PPIG: variants seen among roughly 807,000 people sequenced by gnomAD.
The protein encoded by PPIG is peptidyl-prolyl cis-trans isomerase G.
A neutral mutation model predicts 87.9 loss-of-function variants in PPIG; 26 were observed. The observed-to-expected ratio is 0.30, with a 90% CI of 0.22 to 0.41. The LOEUF (loss-of-function observed/expected upper bound fraction) is 0.41, where lower values mean the gene tolerates loss of function less well. Ranked by LOEUF, PPIG falls within the 10% of genes least tolerant of loss-of-function variation. PPIG has a pLI of 1.00. For missense variants in PPIG, 722 were observed against 879.4 expected (o/e 0.82, Z 2.26); for synonymous variants, 308 against 276.5 (o/e 1.11, Z -1.13).
chr2:169,584,956 G>A (rs1684658165), intron 1 of PPIG: 1 of 182,002 alleles, frequency 5.5e-6, no homozygotes, highest in South Asian at 9.2e-5. Context: ...GTCAGGCTAG[G>A]GTTGGAGAGT....
Position 169,631,829 on chromosome 2 carries a change from A to G in PPIG, c.825A>G (p.Glu275=), listed in dbSNP as rs1292823522. The G allele has an allele frequency of 1.2e-6, 2 of 1,613,870 alleles. No individual in the cohort carries two copies. The highest frequency in any genetic ancestry group is 1.1e-5 in the South Asian group (1 of 91,082). The part of the protein sequence containing the change: ...EAQPQSTVRP[E]EIPPIPENRF... ...AACCCCAGTCTACTGTCCGTCCAGA[A>G]GAGATCCCTCCTATACCTGAAAATA... Residue 275 remains glutamate, a synonymous_variant, in exon 11 of 14, where the codon GAA becomes GAG. Coordinates refer to ENST00000260970, the MANE Select transcript of PPIG (RefSeq NM_004792.3).
intron 12 of PPIG, among the ~76,000 whole-genome samples, chr2:169,633,835 C>G (rs545348901): frequency 3.0e-4 from 44 of 146,792 alleles, no homozygotes; most frequent in South Asian, 1.1e-3. Context: ...TCCACCCCCC[C>G]CTTTTTTTTT....
In PPIG at chr2:169,641,373, A is replaced by G. The variant is rs1686306475; in HGVS notation, c.*3850A>G. 6.6e-6 allele frequency: 1 copy of G among 152,196 alleles called. No homozygotes were observed. The highest frequency in any genetic ancestry group is 2.4e-5 in the African/African-American group (1 of 41,454). The allele number at this position is 152,196 out of a possible 1,614,324, so 9.4% of individuals were successfully genotyped here. On this transcript the variant is annotated 3_prime_UTR_variant, in exon 14 of 14. Transcript: ENST00000260970. ...GGAAGCTGTATTAACTTTTATAGTT[A>G]AACATTGTATTAAATAAACTATACT...
intron 1 of PPIG, among the ~76,000 whole-genome samples, chr2:169,585,988 C>G (rs751269105): frequency 6.6e-5 from 10 of 151,994 alleles, no homozygotes; most frequent in Non-Finnish European, 1.2e-4. Context: ...GCTATAAAAT[C>G]CAGAAAAGAT....
chr2:169,584,650 G>C, intron 1 of PPIG, 160 bp downstream of exon 1: 1 of 401,264 alleles, frequency 2.5e-6, no homozygotes, highest in African/African-American at 2.1e-5. Context: ...GGGCCCAGAG[G>C]AAGTCCCTGA....
Position 169,585,564 on chromosome 2 carries a change from A to C in PPIG, c.-70+1074A>C, listed in dbSNP as rs1684678172. Reference sequence around the variant, plus strand: ...GAGAGCCACCGCGCACGGCCAGCTCATGTTTAGTCTTAAGGAGCAAAGTCT... The same window carrying C: ...GAGAGCCACCGCGCACGGCCAGCTCCTGTTTAGTCTTAAGGAGCAAAGTCT... On this transcript the variant is annotated intron_variant, in intron 1 of 13. Coordinates refer to ENST00000260970, the MANE Select transcript of PPIG (RefSeq NM_004792.3). 2.0e-5 allele frequency among the ~76,000 whole-genome samples: 3 copies of C among 152,118 alleles called. No individual in the cohort carries two copies. The South Asian group carries it at 6.2e-4, about 31-fold the overall frequency.
At chr2:169,622,547 A>G (rs1685785216) in intron 9 of PPIG, among the ~76,000 whole-genome samples, 1 of 152,222 alleles carries the variant, frequency 6.6e-6, no homozygotes. Flanking sequence ...CTAACCTAGC[A>G]TACCTTGCCC....
chr2:169,611,764 A>G (rs973826393), intron 7 of PPIG, among the ~76,000 whole-genome samples: 2 of 152,140 alleles, frequency 1.3e-5, no homozygotes, highest in African/African-American at 4.8e-5. Context: ...CTTCATATAT[A>G]TATTCTCAGA....
chr2:169,598,297 T>C (rs937086177), intron 1 of PPIG, among the ~76,000 whole-genome samples: 5 of 152,158 alleles, frequency 3.3e-5, no homozygotes, highest in African/African-American at 9.7e-5. Flanking sequence ...TATTTTCTTT[T>C]TCTTTTTTTT....
At chr2:169,606,770 T>C (rs538204921) in intron 5 of PPIG, among the ~76,000 whole-genome samples, 1 of 152,204 alleles carries the variant, frequency 6.6e-6, no homozygotes, top group Non-Finnish European at 1.5e-5. Context: ...TTTTTACTTT[T>C]TTATTGTAAA....
At chr2:169,610,643 T>C (rs1432210949) in intron 7 of PPIG, among the ~76,000 whole-genome samples, 1 of 152,134 alleles carries the variant, frequency 6.6e-6, no homozygotes, top group Non-Finnish European at 1.5e-5. Flanking sequence ...ACCAACCTAA[T>C]TTCCAGTTTA....
At chr2:169,602,409 G>C (rs558817236) in intron 1 of PPIG, among the ~76,000 whole-genome samples, 2 of 152,162 alleles carry the variant, frequency 1.3e-5, no homozygotes, top group East Asian at 3.9e-4. Context: ...TCTACCTCCC[G>C]GGCTCAAGCA....
intron 1 of PPIG, among the ~76,000 whole-genome samples, chr2:169,596,859 G>A (rs554207227): frequency 1.2e-3 from 175 of 152,114 alleles, no homozygotes; most frequent in South Asian, 9.1e-3. Context: ...GCGCCATTAC[G>A]CTCAGCTCAC....
In PPIG at chr2:169,637,495, C is replaced by T. The variant is rs1175157009; in HGVS notation, c.2237C>T (p.Pro746Leu). 3 of 1,593,220 alleles carry T rather than the reference C, an allele frequency of 1.9e-6. No homozygotes were observed. Among genetic ancestry groups the T allele is most frequent in the Non-Finnish European group, 2.6e-6 (3 of 1,174,898 alleles). ...AAAAAATTTGATCATGAATCAAGCC[C>T]TGGAACAGATGAAGACAAAAGCGGA... ...KNKKFDHESS[P>L]GTDEDKSG is the part of the protein sequence containing the mutation. The change falls in exon 14 of 14, where the codon CCT becomes CTT. Residue 746 changes from proline to leucine, a missense_variant. Physicochemically the swap from Pro to Leu is moderately conservative, Grantham distance 98. Transcript: ENST00000260970.
At position 169,633,361 on chromosome 2, in the gene PPIG, G is replaced by C. The variant is rs185582461; in HGVS notation, c.1017+114G>C. On this transcript the variant is annotated intron_variant, in intron 12 of 13. Coordinates refer to ENST00000260970, the MANE Select transcript of PPIG (RefSeq NM_004792.3). ...GTGCAAGTAACTAAAATTTAGGGGAGATGCAGGCATTGAATTATATATTCT... is the reference window on the plus strand; with the variant it reads ...GTGCAAGTAACTAAAATTTAGGGGACATGCAGGCATTGAATTATATATTCT... 5.1e-6 allele frequency: 4 copies of C among 786,864 alleles called. 1 individual carries two copies. The highest frequency in any genetic ancestry group is 4.7e-5 in the South Asian group (3 of 63,904). The allele number at this position is 786,864 out of a possible 1,614,324, so 48.7% of individuals were successfully genotyped here.
chr2:169,627,725 T>TTTTTTA (rs1491338209), intron 9 of PPIG, among the ~76,000 whole-genome samples: 2,563 of 142,738 alleles, frequency 0.018, 91 homozygotes, highest in African/African-American at 0.065. Context: ...TTTTTTTTTT[T>TTTTTTA]AATTTCAAAC....
rs1406545272 is a variant in PPIG at position 169,638,498 on chromosome 2, T to G, written c.*975T>G. 6.6e-6 allele frequency: 1 copy of G among 151,946 alleles called. No homozygotes were observed. The highest frequency in any genetic ancestry group is 1.9e-4 in the East Asian group (1 of 5,198). 9.4% of individuals were successfully genotyped at this position (151,946 alleles called of 1,614,324 possible). ...AATTGAGTGTTAACTCTGCATGGAT[T>G]TTGTTTGTTTTAATTGAACTGACTT... On this transcript the variant is annotated 3_prime_UTR_variant, in exon 14 of 14. Transcript: ENST00000260970.
chr2:169,609,200 A>G (rs1685420368), intron 7 of PPIG, among the ~76,000 whole-genome samples: 1 of 152,014 alleles, frequency 6.6e-6, no homozygotes, highest in Non-Finnish European at 1.5e-5. Context: ...GAAGGGGAAC[A>G]AATAATTGAT....
At chr2:169,616,679 CT>C (rs1685616997) in intron 9 of PPIG, among the ~76,000 whole-genome samples, 2 of 152,180 alleles carry the variant, frequency 1.3e-5, no homozygotes, top group East Asian at 3.9e-4. Context: ...CCTTTGCCCG[CT>C]TTTTGATGGG....
Sources: allele counts gnomAD v4.1 joint callset (sites outside exome capture counted in the v4.1 genomes callset), GRCh38; gene constraint gnomAD v4.1.1; transcripts MANE v1.5; gene names NCBI Gene and HGNC (gene_info 2026-07-23, HGNC 2026-07-21).